TBC1D22A: variants seen among roughly 807,000 people sequenced by gnomAD.
The protein encoded by TBC1D22A is putative GTPase activator.
Under a neutral mutation model 60.2 loss-of-function variants are expected in TBC1D22A, and 38 were observed. The observed-to-expected ratio is 0.63, with a 90% CI of 0.49 to 0.83. TBC1D22A has a LOEUF of 0.83. TBC1D22A is among the 40% of genes least tolerant of loss of function. The pLI is 0.00. For synonymous variants in TBC1D22A, 302 were observed against 281.7 expected, an observed-to-expected ratio of 1.07 and a Z score of -0.72; for missense variants, 628 against 701.0, an observed-to-expected ratio of 0.90 and a Z score of 1.18.
At chr22:47,042,358 C>T (rs1396175518) in intron 11 of TBC1D22A, among the ~76,000 whole-genome samples, 1 of 152,070 alleles carries the variant, frequency 6.6e-6, no homozygotes, top group Non-Finnish European at 1.5e-5. Context: ...AGTGGGGGCG[C>T]CATGGCTCCC....
intron 12 of TBC1D22A, among the ~76,000 whole-genome samples, chr22:47,149,898 C>T (rs556894550): frequency 2.8e-3 from 423 of 152,268 alleles, no homozygotes; most frequent in Non-Finnish European, 4.9e-3. Flanking sequence ...TCTCTGGTCT[C>T]TCTGGGGTAT....
chr22:46,894,856 T>G lies in TBC1D22A; in HGVS notation c.900+10T>G. The G allele has an allele frequency of 6.2e-7, 1 of 1,614,160 alleles. No individual in the cohort carries two copies. The highest frequency in any genetic ancestry group is 8.5e-7 in the Non-Finnish European group (1 of 1,180,014). On this transcript the variant is annotated intron_variant, in intron 7 of 12. Transcript: ENST00000337137. ...GCCCAAGGTGACGGAGGTAAGAAGC[T>G]CTTGCCGTGGGGAGTTCCCCTCGTT...
chr22:46,843,833 C>T (rs892988879), intron 4 of TBC1D22A, among the ~76,000 whole-genome samples: 6 of 152,102 alleles, frequency 3.9e-5, no homozygotes, highest in East Asian at 3.9e-4. Flanking sequence ...GACCTGTGAG[C>T]GTAAACACAG....
intron 4 of TBC1D22A, among the ~76,000 whole-genome samples, chr22:46,845,932 G>C (rs938217384): frequency 6.6e-6 from 1 of 152,266 alleles, no homozygotes; most frequent in Non-Finnish European, 1.5e-5. Flanking sequence ...CCTTGCTGCA[G>C]TCGGCCCGCA....
intron 5 of TBC1D22A, among the ~76,000 whole-genome samples, chr22:46,889,917 A>G (rs981619927): frequency 1.3e-5 from 2 of 152,236 alleles, no homozygotes; most frequent in African/African-American, 4.8e-5. Flanking sequence ...CAGGAGTTAC[A>G]TAGCTGGATG....
chr22:47,165,349 G>C (rs1281825870), intron 12 of TBC1D22A, among the ~76,000 whole-genome samples: 1 of 152,194 alleles, frequency 6.6e-6, no homozygotes, highest in African/African-American at 2.4e-5. Context: ...GAGGGCAGTG[G>C]TCATGATGAG....
chr22:46,841,559 G>C (rs2086771964), intron 4 of TBC1D22A, among the ~76,000 whole-genome samples: 1 of 152,210 alleles, frequency 6.6e-6, no homozygotes. Flanking sequence ...GGATGAGCCT[G>C]GGTGACATTA....
chr22:46,785,317 TC>T (rs1274894702), intron 1 of TBC1D22A, among the ~76,000 whole-genome samples: 6 of 152,184 alleles, frequency 3.9e-5, no homozygotes, highest in Non-Finnish European at 1.5e-5. Flanking sequence ...ATATGGGAGA[TC>T]CTTGTGGCTA....
chr22:46,764,764 A>G (rs1178927246), intron 1 of TBC1D22A, among the ~76,000 whole-genome samples: 1 of 152,212 alleles, frequency 6.6e-6, no homozygotes, highest in Non-Finnish European at 1.5e-5. Flanking sequence ...CAGAGATTGG[A>G]ATAGTACATT....
At chr22:46,973,190 T>A (rs1405323474) in intron 8 of TBC1D22A, among the ~76,000 whole-genome samples, 5 of 152,236 alleles carry the variant, frequency 3.3e-5, no homozygotes, top group Admixed American at 3.3e-4. Flanking sequence ...GAGGTGGGCC[T>A]CTGGGTCCTC....
chr22:47,086,390 G>C (rs145312301), intron 11 of TBC1D22A, among the ~76,000 whole-genome samples: 2,272 of 152,314 alleles, frequency 0.015, 15 homozygotes, highest in Middle Eastern at 0.061. Context: ...GGGAGGCGGA[G>C]GTTGCGGTGA....
At chr22:47,079,206 C>T (rs2064356115) in intron 11 of TBC1D22A, among the ~76,000 whole-genome samples, 1 of 151,564 alleles carries the variant, frequency 6.6e-6, no homozygotes, top group South Asian at 2.1e-4. Context: ...CCTGTCTCAG[C>T]CTTCCTAGTT....
chr22:47,159,352 A>G (rs2067867364), intron 12 of TBC1D22A, among the ~76,000 whole-genome samples: 1 of 150,656 alleles, frequency 6.6e-6, no homozygotes, highest in African/African-American at 2.5e-5. Context: ...ATGTATTCAC[A>G]CAAAGCACAT....
At chr22:46,840,764 C>A (rs2086722742) in intron 4 of TBC1D22A, among the ~76,000 whole-genome samples, 1 of 151,594 alleles carries the variant, frequency 6.6e-6, no homozygotes. Context: ...TGATAACAAG[C>A]ATTCGTGAGA....
At chr22:47,145,599 T>C (rs2067259083) in intron 12 of TBC1D22A, among the ~76,000 whole-genome samples, 1 of 152,262 alleles carries the variant, frequency 6.6e-6, no homozygotes, top group Non-Finnish European at 1.5e-5. Flanking sequence ...GAAAGGGCTG[T>C]CCTGGAGGCA....
At position 47,129,494 on chromosome 22, in the gene TBC1D22A, CA is replaced by C. The variant is rs1183549333; in HGVS notation, c.1425+17897del. ...CCGTCTCAGTAAACAAACAAAAAAA[CA>C]AAAAACCGTAAGAGGCTGTTAACTT... is the stretch of plus-strand genomic sequence containing the variant. On this transcript the variant is annotated intron_variant, in intron 12 of 12. Transcript: ENST00000337137. Among the ~76,000 whole-genome samples the C allele has an allele frequency of 2.0e-5, 3 of 152,124 alleles. No individual in the cohort carries two copies. In the East Asian group the frequency reaches 5.8e-4, roughly 29 times the overall value.
chr22:47,074,292 G>A (rs1200229223), intron 11 of TBC1D22A, among the ~76,000 whole-genome samples: 1 of 152,176 alleles, frequency 6.6e-6, no homozygotes, highest in Non-Finnish European at 1.5e-5. Flanking sequence ...AGCTGAGATC[G>A]CCCACATTGG....
chr22:46,762,992 T>G, intron 1 of TBC1D22A, 144 bp downstream of exon 1: 1 of 702,386 alleles, frequency 1.4e-6, no homozygotes, highest in Non-Finnish European at 2.2e-6. Context: ...TGACGGGCGT[T>G]GGGGGGCTCG....
chr22:46,814,759 G>A (rs1267445148), intron 4 of TBC1D22A, among the ~76,000 whole-genome samples: 1 of 151,516 alleles, frequency 6.6e-6, no homozygotes, highest in Non-Finnish European at 1.5e-5. Context: ...CAATTCTCCT[G>A]CATCAGCTCC....
Sources: allele counts gnomAD v4.1 joint callset (sites outside exome capture counted in the v4.1 genomes callset), GRCh38; gene constraint gnomAD v4.1.1; transcripts MANE v1.5; gene names NCBI Gene and HGNC (gene_info 2026-07-23, HGNC 2026-07-21).